The following STK38 variants were observed in gnomAD, a reference collection of about 807,000 sequenced individuals.
The protein encoded by STK38 is serine/threonine kinase 38.
In STK38, 26 loss-of-function variants were observed where a neutral mutation model predicts 59.0. The ratio of observed to expected loss-of-function variants is 0.44; its 90% CI spans 0.32 to 0.61. The LOEUF is 0.61. Among genes scored for constraint, STK38 ranks in the 20% least tolerant of loss-of-function variants. The probability of loss-of-function intolerance (pLI) is 0.04; values close to 1 mark genes in which losing one functional copy is unlikely to be tolerated. For synonymous variants in STK38, 175 were observed against 176.6 expected, an observed-to-expected ratio of 0.99 and a Z score of 0.07; for missense variants, 433 against 566.0, an observed-to-expected ratio of 0.76 and a Z score of 2.38.
intron 13 of STK38, among the ~76,000 whole-genome samples, chr6:36,496,389 CA>C (rs1025346077): frequency 1.2e-4 from 19 of 152,144 alleles, no homozygotes; most frequent in African/African-American, 4.1e-4. Flanking sequence ...CTTTAAATCT[CA>C]TATTTCTTCA....
At chr6:36,497,647 A>G in intron 12 of STK38, 133 bp downstream of exon 12, 1 of 701,902 alleles carries the variant, frequency 1.4e-6, no homozygotes, top group Non-Finnish European at 2.4e-6. Context: ...ATGAATGAAA[A>G]TCAGGAAAAG....
At chr6:36,538,811 G>A (rs538404560) in intron 2 of STK38, among the ~76,000 whole-genome samples, 5 of 140,340 alleles carry the variant, frequency 3.6e-5, no homozygotes, top group African/African-American at 1.3e-4. Context: ...AGAATCACTT[G>A]AACCCAGGAG....
rs77996984 is a variant in STK38, at chr6:36,521,429, G to A, written c.390+305C>T. Among the ~76,000 whole-genome samples, 1,002 of 151,036 alleles carry A rather than the reference G, an allele frequency of 6.6e-3. 9 individuals are homozygous for A. Among genetic ancestry groups the A allele is most frequent in the African/African-American group, 0.021 (883 of 41,144 alleles). On this transcript the variant is annotated intron_variant, in intron 5 of 13. Transcript: ENST00000229812. ...AGAAACACACTACCACACCACGTAC[G>A]ACCTCAAAAAAAAAAGGCTCTCACA...
intron 5 of STK38, among the ~76,000 whole-genome samples, chr6:36,518,715 G>C (rs966436654): frequency 2.0e-5 from 3 of 152,154 alleles, no homozygotes; most frequent in Non-Finnish European, 4.4e-5. Context: ...GTGCCACCAT[G>C]CCTGGCCCCT....
intron 2 of STK38, among the ~76,000 whole-genome samples, chr6:36,527,333 CACACAT>C (rs1298120256): frequency 2.2e-3 from 292 of 132,720 alleles, no homozygotes; most frequent in African/African-American, 8.2e-3. Flanking sequence ...TATATATACA[CACACAT>C]ATATGTAATA....
chr6:36,542,454 T>C (rs765876143), intron 1 of STK38, among the ~76,000 whole-genome samples: 4 of 152,194 alleles, frequency 2.6e-5, no homozygotes, highest in Non-Finnish European at 5.9e-5. Context: ...CCAATGTGTT[T>C]AGATAAGTTA....
intron 8 of STK38, 36 bp downstream of exon 8, chr6:36,507,464 T>C: frequency 6.3e-7 from 1 of 1,576,408 alleles, no homozygotes; most frequent in African/African-American, 1.3e-5. Context: ...TAGGCCCAGT[T>C]AGAACGAAAA....
chr6:36,499,332 C>T (rs1381967493), intron 10 of STK38, among the ~76,000 whole-genome samples: 4 of 152,180 alleles, frequency 2.6e-5, no homozygotes, highest in African/African-American at 9.7e-5. Flanking sequence ...CCTCCACAGG[C>T]ATCGTTCCCA....
intron 2 of STK38, 60 bp downstream of exon 2, chr6:36,540,012 T>C: frequency 1.2e-6 from 2 of 1,601,824 alleles, no homozygotes; most frequent in South Asian, 2.2e-5. Context: ...ATAAGTGTTT[T>C]ACAATACGAG....
At chr6:36,519,934 A>G (rs78187076) in intron 5 of STK38, among the ~76,000 whole-genome samples, 5,119 of 151,876 alleles carry the variant, frequency 0.034, 300 homozygotes, top group African/African-American at 0.12. Flanking sequence ...AATAACCTGA[A>G]CTCTCAGTGG....
intron 9 of STK38, among the ~76,000 whole-genome samples, chr6:36,504,471 A>AT (rs1362415058): frequency 6.6e-6 from 1 of 152,206 alleles, no homozygotes; most frequent in Non-Finnish European, 1.5e-5. Context: ...TACTAGCTGA[A>AT]TGGGATCACT....
intron 2 of STK38, among the ~76,000 whole-genome samples, chr6:36,529,662 G>A (rs573026921): frequency 3.3e-5 from 5 of 152,124 alleles, no homozygotes; most frequent in Admixed American, 6.6e-5. Context: ...TCTGAAGGCA[G>A]GGACTATATC....
chr6:36,500,806 C>A (rs993569491), intron 9 of STK38, among the ~76,000 whole-genome samples: 1 of 149,602 alleles, frequency 6.7e-6, no homozygotes, highest in South Asian at 2.1e-4. Context: ...TTACTCCAAA[C>A]CATCCCTCTT....
At chr6:36,506,458 C>G in intron 9 of STK38, 125 bp downstream of exon 9, 1 of 965,116 alleles carries the variant, frequency 1.0e-6, no homozygotes, top group Non-Finnish European at 1.6e-6. Flanking sequence ...ACAGCACTCT[C>G]TTTAGGTAAT....
Position 36,495,547 on chromosome 6 carries a change from T to C in STK38, c.*237A>G, listed in dbSNP as rs531187111. ...CACCTATCAAATTGGCTCATGATGCTTCTCTTCCAAAGCAGGATAGCTGTT... is the reference window on the plus strand; with the variant it reads ...CACCTATCAAATTGGCTCATGATGCCTCTCTTCCAAAGCAGGATAGCTGTT... On this transcript the variant is annotated 3_prime_UTR_variant, in exon 14 of 14. Transcript: ENST00000229812. 6 of 422,790 alleles carry C rather than the reference T, an allele frequency of 1.4e-5. No individual in the cohort carries two copies. In the Admixed American group the frequency reaches 1.5e-4, roughly 10 times the overall value. 26.2% of individuals were successfully genotyped at this position (422,790 alleles called of 1,614,324 possible). A position where few individuals can be genotyped will look rare whatever the true frequency, so the allele number is the denominator to read the frequency against.
At position 36,542,219 on chromosome 6, in the gene STK38, G is replaced by A. The variant is rs566401175; in HGVS notation, c.-5-2012C>T. Among the ~76,000 whole-genome samples the A allele has an allele frequency of 1.4e-4, 22 of 152,248 alleles. 1 individual carries two copies. In the South Asian group the frequency reaches 4.1e-3, roughly 29 times the overall value. On this transcript the variant is annotated intron_variant, in intron 1 of 13. Coordinates refer to ENST00000229812, the MANE Select transcript of STK38 (RefSeq NM_007271.4). ...ATCCACAGTTAAAAGAAAAATCTAT[G>A]ATTAAAAATGGTAATCTGATACATA...
At chr6:36,507,634 G>A in intron 7 of STK38, 32 bp from the exon 8 acceptor site, 3 of 1,523,896 alleles carry the variant, frequency 2.0e-6, no homozygotes, top group Non-Finnish European at 9.1e-7. Context: ...ATAGATGGAT[G>A]AGTATTCTTG....
At chr6:36,517,682 A>G (rs113478552) in intron 6 of STK38, 35 bp downstream of exon 6, 2 of 1,606,318 alleles carry the variant, frequency 1.2e-6, no homozygotes, top group Non-Finnish European at 1.7e-6. Flanking sequence ...CACAGAACAA[A>G]AAGAAAAAAT....
intron 4 of STK38, among the ~76,000 whole-genome samples, chr6:36,523,901 G>C (rs1777445761): frequency 6.6e-6 from 1 of 152,120 alleles, no homozygotes; most frequent in Admixed American, 6.5e-5. Context: ...TGCAGTACTG[G>C]GAAAAGCAAG....
Sources: gnomAD v4.1 joint callset for allele counts (sites outside exome capture counted in the v4.1 genomes callset) on GRCh38, gnomAD v4.1.1 for gene constraint, MANE v1.5 for transcripts, NCBI Gene and HGNC (gene_info 2026-07-23, HGNC 2026-07-21) for gene names.